Variants in RNF43 observed in about 807,000 individuals in gnomAD.
The protein encoded by RNF43 is ring finger protein 43, also known as E3 ubiquitin-protein ligase RNF43.
In RNF43, 37 loss-of-function variants were observed where a neutral mutation model predicts 78.4. That is an observed-to-expected ratio of 0.47 (90% CI 0.36 to 0.62). The LOEUF (loss-of-function observed/expected upper bound fraction) is 0.62. Among genes scored for constraint, RNF43 ranks in the 20% least tolerant of loss-of-function variants. The probability of loss-of-function intolerance (pLI) is 0.00; values close to 1 mark genes in which losing one functional copy is unlikely to be tolerated. For missense variants in RNF43, 774 were observed against 1,007.9 expected (o/e 0.77, Z 3.14); for synonymous variants, 347 against 395.0 (o/e 0.88, Z 1.44).
intron 2 of RNF43, among the ~76,000 whole-genome samples, chr17:58,374,949 CATCT>C (rs1481543430): frequency 1.3e-5 from 2 of 152,168 alleles, no homozygotes; most frequent in Non-Finnish European, 2.9e-5. Context: ...AACCATCATC[CATCT>C]ATTACCCAAG....
At chr17:58,361,953 C>T (rs923826437) in intron 6 of RNF43, among the ~76,000 whole-genome samples, 1 of 151,980 alleles carries the variant, frequency 6.6e-6, no homozygotes, top group East Asian at 1.9e-4. Context: ...ACTAAAAATA[C>T]AAAAATTAGT....
chr17:58,370,951 G>C lies in RNF43; in HGVS notation c.335C>G (p.Pro112Arg). ...GFISIVKLES[P>R]RRAPRPCLSL... is the part of the protein sequence containing the mutation. ...CAGGCAGGGGCGGGGGGCCCGTCGA[G>C]GACTCTCCAGCTTGACGATGCTGAT... Residue 112 changes from proline to arginine, a missense_variant, in exon 3 of 10, where the codon CCT becomes CGT. Pro to Arg is a moderately radical substitution (Grantham distance 103). Coordinates refer to ENST00000407977, the MANE Select transcript of RNF43 (RefSeq NM_017763.6). 1 of 1,610,964 alleles carries C rather than the reference G, an allele frequency of 6.2e-7. No homozygotes were observed. The highest frequency in any genetic ancestry group is 8.5e-7 in the Non-Finnish European group (1 of 1,178,144).
chr17:58,388,273 G>C (rs1973478458), intron 2 of RNF43, among the ~76,000 whole-genome samples: 2 of 152,140 alleles, frequency 1.3e-5, no homozygotes, highest in Non-Finnish European at 2.9e-5. Context: ...CTAACTACTA[G>C]AGTTGCTCTC....
chr17:58,400,958 G>A (rs543783964), intron 2 of RNF43, among the ~76,000 whole-genome samples: 1 of 152,058 alleles, frequency 6.6e-6, no homozygotes, highest in Non-Finnish European at 1.5e-5. Context: ...CAAAACAACT[G>A]CCTAATCACA....
At chr17:58,362,114 A>AAACAAAC (rs1972847375) in intron 6 of RNF43, among the ~76,000 whole-genome samples, 4 of 151,564 alleles carry the variant, frequency 2.6e-5, no homozygotes, top group African/African-American at 9.7e-5. Flanking sequence ...AACAAACAAA[A>AAACAAAC]AAAAACCTTG....
chr17:58,407,727 A>G (rs2143667754), intron 2 of RNF43, among the ~76,000 whole-genome samples: 1 of 152,368 alleles, frequency 6.6e-6, no homozygotes, highest in South Asian at 2.1e-4. Flanking sequence ...ACACTGCCCT[A>G]GGGAAAGCAA....
intron 2 of RNF43, among the ~76,000 whole-genome samples, chr17:58,376,380 A>T (rs912779057): frequency 2.7e-4 from 41 of 149,736 alleles, no homozygotes; most frequent in Non-Finnish European, 5.3e-4. Flanking sequence ...TAAAAAAAAT[A>T]AATAAATAAA....
intron 3 of RNF43, among the ~76,000 whole-genome samples, chr17:58,365,707 C>T (rs139455856): frequency 6.6e-6 from 1 of 152,106 alleles, no homozygotes; most frequent in Non-Finnish European, 1.5e-5. Flanking sequence ...GTCCACCTGC[C>T]CCCAAGAAAG....
chr17:58,360,785 G>T lies in RNF43; in HGVS notation c.847C>A (p.Gln283Lys). ...AICLEEFSEG[Q>K]ELRVISCLHE... The stretch of plus-strand genomic sequence containing the variant: ...GTGAACCACAAGACCTGCCTTACCT[G>T]CCCCTCAGAGAACTCCTCCAGACAG... The change falls in exon 7 of 10, where the codon CAG (glutamine) becomes AAG (lysine). Residue 283 changes from glutamine (Q) to lysine (K), a missense_variant and splice_region_variant. Coordinates refer to ENST00000407977, the MANE Select transcript of RNF43 (RefSeq NM_017763.6). This position sits in a 1 kb window ranked among gnomAD's most constrained non-coding sequence, Gnocchi z 4.3. 1 of 1,608,954 alleles carries T rather than the reference G, an allele frequency of 6.2e-7. No homozygotes were observed. The highest frequency in any genetic ancestry group is 1.1e-5 in the South Asian group (1 of 90,334).
At chr17:58,388,049 C>G (rs889137816) in intron 2 of RNF43, among the ~76,000 whole-genome samples, 5 of 151,954 alleles carry the variant, frequency 3.3e-5, no homozygotes, top group African/African-American at 1.2e-4. Flanking sequence ...GCTTCAGGCA[C>G]TTTCCTTTGC....
chr17:58,401,053 A>T lies in RNF43; in HGVS notation c.252+14273T>A, dbSNP rs114474841. Among the ~76,000 whole-genome samples, 962 of 136,220 alleles carry T rather than the reference A, an allele frequency of 7.1e-3. 6 individuals carry two copies. Among genetic ancestry groups the T allele is most frequent in the African/African-American group, 0.023 (899 of 39,854 alleles). 89.4% of individuals were successfully genotyped at this position (136,220 alleles called of 152,430 possible). On this transcript the variant is annotated intron_variant, in intron 2 of 9. Transcript: ENST00000407977. ...GGCAGAAATGGTAGTTTCTCACCTT[A>T]GGAACTTTGCATGGTGGTCTGACTT...
intron 2 of RNF43, among the ~76,000 whole-genome samples, chr17:58,407,688 G>A (rs1357319369): frequency 6.6e-6 from 1 of 152,160 alleles, no homozygotes; most frequent in African/African-American, 2.4e-5. Flanking sequence ...TTTTCCATTA[G>A]AGCAAATAGA....
rs1598174452 is a variant in RNF43 at position 58,417,494 on chromosome 17, C to T, written c.-863G>A. 2 of 152,262 alleles carry T rather than the reference C, an allele frequency of 1.3e-5. No homozygotes were observed. Among genetic ancestry groups the T allele is most frequent in the African/African-American group, 2.4e-5 (1 of 41,538 alleles). 9.4% of individuals were successfully genotyped at this position (152,262 alleles called of 1,614,324 possible). ...GGACTTGGAAAGTTCGGAAGGATTC[C>T]GAGTGCTTCCTTTCAGAAAGACAAT... On this transcript the variant is annotated 5_prime_UTR_variant, in exon 1 of 10. Transcript: ENST00000407977.
intron 2 of RNF43, among the ~76,000 whole-genome samples, chr17:58,409,920 A>C (rs1407788825): frequency 6.6e-6 from 1 of 152,094 alleles, no homozygotes; most frequent in African/African-American, 2.4e-5. Flanking sequence ...AAAGTAAATT[A>C]TGGCTAGTTT....
At chr17:58,410,764 A>G (rs1974011492) in intron 2 of RNF43, among the ~76,000 whole-genome samples, 1 of 152,236 alleles carries the variant, frequency 6.6e-6, no homozygotes, top group Non-Finnish European at 1.5e-5. Context: ...TATCTTTGCA[A>G]ATGAAACACA....
chr17:58,413,616 A>C (rs1974066355), intron 2 of RNF43, among the ~76,000 whole-genome samples: 1 of 152,198 alleles, frequency 6.6e-6, no homozygotes, highest in East Asian at 1.9e-4. Context: ...TAGATTGGTA[A>C]GATTTGCCAG....
At chr17:58,404,598 C>A (rs897187305) in intron 2 of RNF43, among the ~76,000 whole-genome samples, 2 of 152,036 alleles carry the variant, frequency 1.3e-5, no homozygotes, top group African/African-American at 4.8e-5. Flanking sequence ...TCTCTATATG[C>A]CTCATATCAT....
Position 58,395,383 on chromosome 17 carries a change from T to C in RNF43, c.252+19943A>G, listed in dbSNP as rs557267077. Among the ~76,000 whole-genome samples the C allele has an allele frequency of 3.3e-5, 5 of 152,344 alleles. No homozygotes were observed. In the East Asian group the frequency reaches 5.8e-4, roughly 18 times the overall value. ...ATTTCTGATCAGAGATCTGGTTCCA[T>C]AGTCAGATGCATCCAAATCCACTAC... On this transcript the variant is annotated intron_variant, in intron 2 of 9. Transcript: ENST00000407977.
rs2143397943 is a variant in RNF43, at chr17:58,357,923, G to A, written c.1853C>T (p.Ala618Val). The change falls in exon 9 of 10, where the codon GCC (alanine) becomes GTC (valine). Residue 618 changes from alanine (A) to valine (V), a missense_variant. By Grantham distance (64) the Ala-to-Val change is moderately conservative. Coordinates refer to ENST00000407977, the MANE Select transcript of RNF43 (RefSeq NM_017763.6). The surrounding 1 kb of genome is among the most constrained non-coding windows in gnomAD (Gnocchi z 4.5). Reference protein sequence around the residue: ...GRLSNPQCPRALPEPAPGPVD... With the variant: ...GRLSNPQCPRVLPEPAPGPVD... ...TGGGCCAGGGGCTGGCTCAGGGAGG[G>A]CCCTGGGGCACTGTGGGTTAGAGAG... 1 of 1,613,458 alleles carries A rather than the reference G, an allele frequency of 6.2e-7. No individual in the cohort carries two copies. The highest frequency in any genetic ancestry group is 8.5e-7 in the Non-Finnish European group (1 of 1,179,696).
Sources: gnomAD v4.1 joint callset for allele counts (sites outside exome capture counted in the v4.1 genomes callset) on GRCh38, gnomAD v4.1.1 for gene constraint, Gnocchi (gnomAD v3.1) non-coding constraint, MANE v1.5 for transcripts, NCBI Gene and HGNC (gene_info 2026-07-23, HGNC 2026-07-21) for gene names.